SLC9B2: variants seen among roughly 807,000 people sequenced by gnomAD.
The protein encoded by SLC9B2 is sodium/hydrogen exchanger 9B2.
In SLC9B2, 39 loss-of-function variants were observed where a neutral mutation model predicts 52.2. The observed-to-expected ratio is 0.75, with a 90% CI of 0.58 to 0.98. The LOEUF (loss-of-function observed/expected upper bound fraction) is 0.98. Among genes scored for constraint, SLC9B2 ranks in the 50% least tolerant of loss-of-function variants. The pLI, the probability that SLC9B2 is intolerant of heterozygous loss-of-function variation, is 0.00. For missense variants in SLC9B2, 626 were observed against 637.5 expected, an observed-to-expected ratio of 0.98 and a Z score of 0.19; for synonymous variants, 214 against 227.0, an observed-to-expected ratio of 0.94 and a Z score of 0.51.
At chr4:103,063,168 G>A (rs1745819658) in intron 3 of SLC9B2, among the ~76,000 whole-genome samples, 1 of 151,994 alleles carries the variant, frequency 6.6e-6, no homozygotes, top group Non-Finnish European at 1.5e-5. Context: ...TTAACTATAA[G>A]TAGGCCATAT....
chr4:103,020,786 A>AC (rs140368141), downstream of SLC9B2, among the ~76,000 whole-genome samples: 2,383 of 151,712 alleles, frequency 0.016, 65 homozygotes, highest in African/African-American at 0.051. Flanking sequence ...GGGCACCACT[A>AC]CCCCCGGCTA....
At chr4:103,071,765 C>A (rs1029970813) in intron 1 of SLC9B2, among the ~76,000 whole-genome samples, 2 of 152,096 alleles carry the variant, frequency 1.3e-5, no homozygotes, top group Non-Finnish European at 2.9e-5. Context: ...CTGGCCTTGG[C>A]CTCCTAAAGT....
intron 3 of SLC9B2, among the ~76,000 whole-genome samples, chr4:103,061,047 G>A (rs1745596181): frequency 6.6e-6 from 1 of 152,074 alleles, no homozygotes; most frequent in Non-Finnish European, 1.5e-5. Context: ...TCCCAACCTG[G>A]GCAGGCTCTA....
rs1742108660 is a variant in SLC9B2 at position 103,025,424 on chromosome 4, A to G, written c.*946T>C. 6.6e-6 allele frequency: 1 copy of G among 152,212 alleles called. No individual in the cohort carries two copies. Among genetic ancestry groups the G allele is most frequent in the African/African-American group, 2.4e-5 (1 of 41,462 alleles). 9.4% of individuals were successfully genotyped at this position (152,212 alleles called of 1,614,324 possible). A position where few individuals can be genotyped will look rare whatever the true frequency, so the allele number is the denominator to read the frequency against. On this transcript the variant is annotated 3_prime_UTR_variant, in exon 12 of 12. Coordinates refer to ENST00000394785, the MANE Select transcript of SLC9B2 (RefSeq NM_178833.7). ...GGGAATGGCAGAGCTTCAGGACAGA[A>G]AGACATGGGACTCTGAGCAGACCTC...
At chr4:103,039,681 T>G (rs1743467261) in intron 9 of SLC9B2, among the ~76,000 whole-genome samples, 1 of 145,170 alleles carries the variant, frequency 6.9e-6, no homozygotes, top group Admixed American at 7.1e-5. Flanking sequence ...GGAGTCTCGG[T>G]CTGTCGCCCA....
In SLC9B2 at chr4:103,066,345, C is replaced by T; in HGVS notation, c.253G>A (p.Asp85Asn). Residue 85 changes from aspartate to asparagine, a missense_variant, in exon 3 of 12, where the codon GAC becomes AAC. Coordinates refer to ENST00000394785, the MANE Select transcript of SLC9B2 (RefSeq NM_178833.7). ...TCCTTACCATTTGTTATGACCCTGT[C>T]CAGTAAACCATGTGGAGGGCAAGCC... is the stretch of plus-strand genomic sequence containing the variant. ...MLACPPHGLLDRVITNVTIIV... is the reference protein window; with the variant it reads ...MLACPPHGLLNRVITNVTIIV... 1 of 1,613,692 alleles carries T rather than the reference C, an allele frequency of 6.2e-7. No individual in the cohort carries two copies. Among genetic ancestry groups the T allele is most frequent in the South Asian group, 1.1e-5 (1 of 91,002 alleles).
At chr4:103,044,557 A>T (rs1222976278) in intron 8 of SLC9B2, among the ~76,000 whole-genome samples, 1 of 152,216 alleles carries the variant, frequency 6.6e-6, no homozygotes, top group Non-Finnish European at 1.5e-5. Flanking sequence ...GATACTAAAA[A>T]AGGGCACAAA....
At chr4:103,039,227 C>T (rs1024089680) in intron 9 of SLC9B2, among the ~76,000 whole-genome samples, 49 of 152,166 alleles carry the variant, frequency 3.2e-4, no homozygotes, top group African/African-American at 1.2e-3. Flanking sequence ...AGTATGATAT[C>T]ATGCTGTTCT....
chr4:103,062,222 A>C (rs941205646), intron 3 of SLC9B2, among the ~76,000 whole-genome samples: 1 of 152,120 alleles, frequency 6.6e-6, no homozygotes, highest in African/African-American at 2.4e-5. Flanking sequence ...GAAGTTCGAG[A>C]CCAGCCTGAC....
intron 6 of SLC9B2, 65 bp downstream of exon 6, chr4:103,048,828 T>C (rs1744401086): frequency 3.8e-6 from 6 of 1,563,890 alleles, no homozygotes; most frequent in Non-Finnish European, 5.2e-6. Context: ...CATTCTCTTG[T>C]ATGCAATCAG....
intron 7 of SLC9B2, 45 bp downstream of exon 7, chr4:103,047,005 TC>T: frequency 6.3e-7 from 1 of 1,580,504 alleles, no homozygotes; most frequent in Non-Finnish European, 8.6e-7. Flanking sequence ...TTAACCTACG[TC>T]CCTAGAATGC....
chr4:103,022,278 T>A lies in SLC9B2; in HGVS notation c.*4092A>T, dbSNP rs566088780. 1.3e-5 allele frequency among the ~76,000 whole-genome samples: 2 copies of A among 152,216 alleles called. No individual in the cohort carries two copies. Among genetic ancestry groups the A allele is most frequent in the Non-Finnish European group, 2.9e-5 (2 of 68,040 alleles). ...TGAAGGCAGGGATTTGTCTGTTTTA[T>A]TCATTGCAAAATGAATATCTGAATA... On this transcript the variant is annotated 3_prime_UTR_variant, in exon 12 of 12. Coordinates refer to ENST00000394785, the MANE Select transcript of SLC9B2 (RefSeq NM_178833.7).
chr4:103,020,393 T>C (rs1741701397), downstream of SLC9B2: 1 of 427,280 alleles, frequency 2.3e-6, no homozygotes, highest in African/African-American at 2.1e-5. Context: ...GCGCTTCCTA[T>C]AAAAGACAAA....
intron 4 of SLC9B2, among the ~76,000 whole-genome samples, chr4:103,056,897 T>C (rs888877449): frequency 6.6e-6 from 1 of 152,174 alleles, no homozygotes; most frequent in Non-Finnish European, 1.5e-5. Context: ...AGTGTTACCA[T>C]GAATGTTGGT....
intron 8 of SLC9B2, 47 bp from the exon 9 acceptor site, chr4:103,043,492 T>C (rs1743825519): frequency 2.0e-6 from 3 of 1,518,772 alleles, no homozygotes; most frequent in Non-Finnish European, 2.7e-6. Flanking sequence ...AAATCCCTGA[T>C]TTTTAATGAT....
At chr4:103,021,696 A>G (rs948776156), downstream of SLC9B2, among the ~76,000 whole-genome samples, 4 of 152,254 alleles carry the variant, frequency 2.6e-5, no homozygotes, top group Admixed American at 1.3e-4. Context: ...TTCTGAAAGT[A>G]CTTCAATAAA....
downstream of SLC9B2, among the ~76,000 whole-genome samples, chr4:103,019,138 G>C (rs1178376170): frequency 6.6e-6 from 1 of 152,012 alleles, no homozygotes; most frequent in African/African-American, 2.4e-5. Flanking sequence ...GAGTAAACAG[G>C]ATTAAGGGGC....
At chr4:103,059,494 ATGT>A (rs1745444551) in intron 3 of SLC9B2, among the ~76,000 whole-genome samples, 1 of 152,198 alleles carries the variant, frequency 6.6e-6, no homozygotes, top group African/African-American at 2.4e-5. Context: ...AGATAGCTTA[ATGT>A]TGTAGAATGT....
At chr4:103,053,387 A>G (rs1482388755) in intron 4 of SLC9B2, among the ~76,000 whole-genome samples, 2 of 152,222 alleles carry the variant, frequency 1.3e-5, no homozygotes, top group Non-Finnish European at 2.9e-5. Flanking sequence ...ATGCAAGTAT[A>G]CAACTATAAA....
Sources: allele counts gnomAD v4.1 joint callset (sites outside exome capture counted in the v4.1 genomes callset), GRCh38; gene constraint gnomAD v4.1.1; transcripts MANE v1.5; gene names NCBI Gene and HGNC (gene_info 2026-07-23, HGNC 2026-07-21).